BABAM2: variants seen among roughly 807,000 people sequenced by gnomAD.
BABAM2 encodes the protein BRISC and BRCA1 A complex member 2, also known as BRISC and BRCA1-A complex member 2.
A neutral mutation model predicts 54.7 loss-of-function variants in BABAM2; 31 were observed. The ratio of observed to expected loss-of-function variants is 0.57; its 90% confidence interval spans 0.43 to 0.77. BABAM2 has a LOEUF of 0.77. Among genes scored for constraint, BABAM2 ranks in the 30% least tolerant of loss-of-function variants. The pLI, the probability that BABAM2 is intolerant of heterozygous loss-of-function variation, is 0.00. For synonymous variants in BABAM2, 167 were observed against 162.9 expected (o/e 1.03, Z -0.19); for missense variants, 364 against 455.8 (o/e 0.80, Z 1.83).
At chr2:28,285,137 T>C (rs1414312281) in intron 10 of BABAM2, among the ~76,000 whole-genome samples, 3 of 152,196 alleles carry the variant, frequency 2.0e-5, no homozygotes, top group African/African-American at 4.8e-5. Flanking sequence ...CAGCCTGTAT[T>C]TATTGAGCAC....
chr2:28,338,029 G>A (rs1691620307), intron 11 of BABAM2, among the ~76,000 whole-genome samples: 1 of 152,142 alleles, frequency 6.6e-6, no homozygotes, highest in Non-Finnish European at 1.5e-5. Flanking sequence ...GACCCTCTTT[G>A]TCTTTATGAA....
intron 10 of BABAM2, among the ~76,000 whole-genome samples, chr2:28,285,133 G>A (rs768696283): frequency 1.3e-5 from 2 of 152,186 alleles, no homozygotes; most frequent in Non-Finnish European, 2.9e-5. Context: ...GTTGCAGCCT[G>A]TATTTATTGA....
rs570058836 is a variant in BABAM2, at chr2:28,196,321, C to T, written c.681-40881C>T. Among the ~76,000 whole-genome samples, 3 of 107,690 alleles carry T rather than the reference C, an allele frequency of 2.8e-5. No individual in the cohort carries two copies. In the East Asian group the frequency reaches 5.9e-4, roughly 21 times the overall value. The allele number at this position is 107,690 out of a possible 152,430, so 70.6% of individuals were successfully genotyped here. ...CAGCCTGGGCAACAGAGCAAGACTC[C>T]ATATAAAAAAAAAATGAATTTTTTA... On this transcript the variant is annotated intron_variant, in intron 7 of 11. Coordinates refer to ENST00000379624, the MANE Select transcript of BABAM2 (RefSeq NM_199191.3).
chr2:28,206,270 G>T (rs1678829745), intron 7 of BABAM2, among the ~76,000 whole-genome samples: 1 of 152,052 alleles, frequency 6.6e-6, no homozygotes, highest in Admixed American at 6.6e-5. Context: ...AGGAAATAAA[G>T]CTCAAAGATA....
intron 6 of BABAM2, among the ~76,000 whole-genome samples, chr2:28,068,936 T>C (rs1317889764): frequency 6.6e-6 from 1 of 152,216 alleles, no homozygotes; most frequent in Non-Finnish European, 1.5e-5. Context: ...GGAAAATAAG[T>C]GTGCATGTGT....
intron 10 of BABAM2, among the ~76,000 whole-genome samples, chr2:28,279,299 G>A (rs926850917): frequency 2.0e-5 from 3 of 152,158 alleles, no homozygotes; most frequent in Admixed American, 6.5e-5. Flanking sequence ...TTCGTCAGCC[G>A]GAAACCTCCA....
chr2:28,190,438 G>A (rs571173050), intron 7 of BABAM2, among the ~76,000 whole-genome samples: 1 of 152,146 alleles, frequency 6.6e-6, no homozygotes, highest in East Asian at 1.9e-4. Flanking sequence ...TGTAATTCTA[G>A]CACTTTGGGA....
At chr2:28,302,946 A>G (rs1688223236) in intron 11 of BABAM2, among the ~76,000 whole-genome samples, 1 of 151,668 alleles carries the variant, frequency 6.6e-6, no homozygotes, top group African/African-American at 2.4e-5. Flanking sequence ...TGTATATATG[A>G]GTTTCTTTAT....
chr2:27,986,525 T>A (rs1672411726), intron 3 of BABAM2, among the ~76,000 whole-genome samples: 1 of 152,054 alleles, frequency 6.6e-6, no homozygotes, highest in Non-Finnish European at 1.5e-5. Flanking sequence ...AGATGACTTA[T>A]TTTCTAAGAG....
At chr2:28,092,759 TCTCTCTCTCTCTCACG>T in intron 6 of BABAM2, among the ~76,000 whole-genome samples, 1 of 151,548 alleles carries the variant, frequency 6.6e-6, no homozygotes, top group East Asian at 1.9e-4. Flanking sequence ...CCTCTCTCTC[TCTCTCTCTCTCTCACG>T]CTCTCTCTCT....
chr2:27,902,924 T>TGA lies in BABAM2; in HGVS notation c.128+8261_128+8262dup, dbSNP rs1167717410. 3.2e-3 allele frequency among the ~76,000 whole-genome samples: 475 copies of TGA among 150,074 alleles called. 3 individuals carry two copies. Among genetic ancestry groups the TGA allele is most frequent in the Middle Eastern group, 0.01 (3 of 290 alleles). ...GTGTGTTTGTGTGTGTGTGTGTGTG[T>TGA]GAGAGAGAGAGAGAGAGAGAGAAAG... On this transcript the variant is annotated intron_variant, in intron 2 of 11. Transcript: ENST00000379624.
At chr2:27,890,472 C>T (rs1664723827), upstream of BABAM2, 4 of 808,732 alleles carry the variant, frequency 4.9e-6, no homozygotes, top group Admixed American at 9.6e-5. The surrounding 1 kb of genome is among the most constrained non-coding windows in gnomAD (Gnocchi z 4.8). Context: ...GGGTCGCCCA[C>T]CTGACTGCCC....
intron 4 of BABAM2, among the ~76,000 whole-genome samples, chr2:28,013,111 A>T (rs905024529): frequency 7.2e-5 from 11 of 152,322 alleles, no homozygotes; most frequent in Admixed American, 6.5e-4. Context: ...GGGACATCAC[A>T]GGCTTTTGAA....
At chr2:27,934,503 G>C (rs1378113902) in intron 3 of BABAM2, among the ~76,000 whole-genome samples, 12 of 152,174 alleles carry the variant, frequency 7.9e-5, no homozygotes, top group Admixed American at 7.9e-4. Context: ...TAACCTTGCA[G>C]TGTCCTCTAA....
At chr2:28,261,432 G>A (rs1573955175) in intron 10 of BABAM2, among the ~76,000 whole-genome samples, 1 of 151,002 alleles carries the variant, frequency 6.6e-6, no homozygotes, top group African/African-American at 2.4e-5. Flanking sequence ...CGGGTTCATG[G>A]CATTCTCCTG....
chr2:28,046,281 C>G (rs372880562), intron 6 of BABAM2, among the ~76,000 whole-genome samples: 73 of 152,156 alleles, frequency 4.8e-4, no homozygotes, highest in African/African-American at 1.7e-3. Flanking sequence ...ATGGTGAAAC[C>G]CTGTCTCTAC....
At chr2:27,990,721 ATATAT>A (rs1181953098) in intron 4 of BABAM2, among the ~76,000 whole-genome samples, 1 of 152,094 alleles carries the variant, frequency 6.6e-6, no homozygotes, top group Non-Finnish European at 1.5e-5. Context: ...TAAAACAAAA[ATATAT>A]TAAATTATAA....
At chr2:28,103,350 T>C (rs1305410361) in intron 6 of BABAM2, among the ~76,000 whole-genome samples, 1 of 148,918 alleles carries the variant, frequency 6.7e-6, no homozygotes, top group Non-Finnish European at 1.5e-5. Flanking sequence ...TTCTTGATCC[T>C]GGCTCAGGCT....
At chr2:28,172,190 C>G (rs1193894065) in intron 7 of BABAM2, among the ~76,000 whole-genome samples, 1 of 152,032 alleles carries the variant, frequency 6.6e-6, no homozygotes, top group Non-Finnish European at 1.5e-5. Context: ...GTAGCATCAT[C>G]AGATGTGTGC....
Sources: gnomAD v4.1 joint callset for allele counts (sites outside exome capture counted in the v4.1 genomes callset) on GRCh38, gnomAD v4.1.1 for gene constraint, Gnocchi (gnomAD v3.1) non-coding constraint, MANE v1.5 for transcripts, NCBI Gene and HGNC (gene_info 2026-07-23, HGNC 2026-07-21) for gene names.